Variants in ALDH4A1 observed in about 807,000 individuals in gnomAD.
ALDH4A1 encodes delta-1-pyrroline-5-carboxylate dehydrogenase, mitochondrial.
Under a neutral mutation model 70.5 loss-of-function variants are expected in ALDH4A1, and 46 were observed. That is an observed-to-expected ratio of 0.65 (90% CI 0.51 to 0.83). The LOEUF (loss-of-function observed/expected upper bound fraction) is 0.83. ALDH4A1 is among the 40% of genes least tolerant of loss of function. The pLI is 0.00. For synonymous variants in ALDH4A1, 323 were observed against 324.3 expected (o/e 1.00, Z 0.04); for missense variants, 749 against 766.5 (o/e 0.98, Z 0.27).
chr1:18,900,289 C>T lies in ALDH4A1; in HGVS notation c.62+2173G>A, dbSNP rs116595513. 1.9e-3 allele frequency among the ~76,000 whole-genome samples: 286 copies of T among 152,312 alleles called. 2 individuals carry two copies. Among genetic ancestry groups the T allele is most frequent in the Non-Finnish European group, 2.8e-3 (190 of 68,016 alleles). On this transcript the variant is annotated intron_variant, in intron 1 of 14. Transcript: ENST00000375341. Reference sequence around the variant, plus strand: ...TTTTTCTCAGGACTAGAGTTTTACACGTAGGACACTGAGGGATGTCACTGA... The same window carrying T: ...TTTTTCTCAGGACTAGAGTTTTACATGTAGGACACTGAGGGATGTCACTGA...
intron 7 of ALDH4A1, chr1:18,882,770 GCCA>G: frequency 3.4e-6 from 2 of 590,214 alleles, no homozygotes; most frequent in South Asian, 2.8e-5. Context: ...CATCAACAGA[GCCA>G]CCAACACTCA....
chr1:18,899,039 A>T (rs186024231), intron 1 of ALDH4A1, among the ~76,000 whole-genome samples: 57 of 152,346 alleles, frequency 3.7e-4, no homozygotes, highest in African/African-American at 1.3e-3. Flanking sequence ...CATTTTGCAG[A>T]CGAGGATACT....
chr1:18,875,785 G>A (rs911042949), intron 12 of ALDH4A1, among the ~76,000 whole-genome samples: 1 of 152,186 alleles, frequency 6.6e-6, no homozygotes, highest in Admixed American at 6.5e-5. Context: ...TAAGGGTCCA[G>A]GTCCCAGAGG....
At chr1:18,901,601 T>C (rs978411830) in intron 1 of ALDH4A1, among the ~76,000 whole-genome samples, 8 of 152,162 alleles carry the variant, frequency 5.3e-5, no homozygotes, top group African/African-American at 1.7e-4. Context: ...GGCTCCACAA[T>C]GTCAGGTTTG....
At chr1:18,890,417 T>C (rs1935391101) in intron 1 of ALDH4A1, among the ~76,000 whole-genome samples, 1 of 152,212 alleles carries the variant, frequency 6.6e-6, no homozygotes, top group African/African-American at 2.4e-5. Flanking sequence ...TGGTGGCATG[T>C]GTGCCTGTAG....
In ALDH4A1 at chr1:18,878,064, C is replaced by T. The variant is rs543990344; in HGVS notation, c.941-452G>A. Among the ~76,000 whole-genome samples the T allele has an allele frequency of 7.2e-5, 11 of 152,110 alleles. No individual in the cohort carries two copies. In the South Asian group the frequency reaches 1.0e-3, roughly 14 times the overall value. ...CAGGGTTGGGCCCCTCCTCCCCACG[C>T]GTGCTGGAAACCGCTCCCCCATTTC... On this transcript the variant is annotated intron_variant, in intron 9 of 14. Transcript: ENST00000375341.
intron 1 of ALDH4A1, among the ~76,000 whole-genome samples, chr1:18,895,571 C>T (rs1299890922): frequency 1.3e-5 from 2 of 152,142 alleles, no homozygotes; most frequent in Non-Finnish European, 2.9e-5. Flanking sequence ...CTACAAAGGA[C>T]ATGCACCATT....
chr1:18,883,963 T>C (rs1390071424), intron 5 of ALDH4A1, among the ~76,000 whole-genome samples: 1 of 152,194 alleles, frequency 6.6e-6, no homozygotes, highest in Non-Finnish European at 1.5e-5. Flanking sequence ...AAACCGTCAA[T>C]TCTTAATAAC....
intron 1 of ALDH4A1, among the ~76,000 whole-genome samples, chr1:18,894,279 G>A (rs539327441): frequency 6.6e-6 from 1 of 152,340 alleles, no homozygotes; most frequent in African/African-American, 2.4e-5. Flanking sequence ...AGTGGCTCAC[G>A]CCTGTAATCC....
intron 10 of ALDH4A1, 21 bp downstream of exon 10, chr1:18,877,395 G>A (rs1347421633): frequency 1.7e-5 from 27 of 1,556,940 alleles, no homozygotes; most frequent in Middle Eastern, 1.8e-4. Flanking sequence ...GGGCCGCGGC[G>A]GGGGTGACGG....
chr1:18,872,726 C>A lies in ALDH4A1; in HGVS notation c.*119G>T. On this transcript the variant is annotated 3_prime_UTR_variant, in exon 15 of 15. Transcript: ENST00000375341. ...TACAGTGGTAAGAAGGGAGTCAAGC[C>A]CGGATTATAGAAAGGCAGCTGTGCA... 6 of 770,648 alleles carry A rather than the reference C, an allele frequency of 7.8e-6. No homozygotes were observed. Among genetic ancestry groups the A allele is most frequent in the Non-Finnish European group, 1.3e-5 (6 of 455,312 alleles). The allele number at this position is 770,648 out of a possible 1,614,324, so 47.7% of individuals were successfully genotyped here. A position where few individuals can be genotyped will look rare whatever the true frequency, so the allele number is the denominator to read the frequency against.
chr1:18,884,844 G>C (rs1935128094), intron 5 of ALDH4A1, among the ~76,000 whole-genome samples: 1 of 152,222 alleles, frequency 6.6e-6, no homozygotes, highest in Admixed American at 6.5e-5. Flanking sequence ...CAGGAGGTAA[G>C]AGTTCACTGA....
chr1:18,877,689 C>T, intron 9 of ALDH4A1, 77 bp from the exon 10 acceptor site: 4 of 1,523,960 alleles, frequency 2.6e-6, no homozygotes, highest in Non-Finnish European at 3.6e-6. Flanking sequence ...ACACCACCTA[C>T]GCCATCCATG....
intron 1 of ALDH4A1, 136 bp downstream of exon 1, chr1:18,902,325 CT>C (rs1935827028): frequency 3.1e-6 from 2 of 653,732 alleles, no homozygotes; most frequent in African/African-American, 1.9e-5. Context: ...AGGGGAGCCC[CT>C]GAGGAACCCG....
intron 11 of ALDH4A1, among the ~76,000 whole-genome samples, 194 bp from the exon 12 acceptor site, chr1:18,876,661 C>CTGTG (rs10524811): frequency 9.5e-5 from 14 of 146,730 alleles, no homozygotes; most frequent in African/African-American, 2.3e-4. Flanking sequence ...GACATGAACA[C>CTGTG]TGTGTGTGTG....
intron 5 of ALDH4A1, among the ~76,000 whole-genome samples, chr1:18,884,160 T>C (rs1271889152): frequency 1.3e-5 from 2 of 152,168 alleles, no homozygotes; most frequent in Non-Finnish European, 2.9e-5. Context: ...TTAGGCCAAA[T>C]ACAGAGAAAG....
chr1:18,892,323 G>A (rs1935465093), intron 1 of ALDH4A1, among the ~76,000 whole-genome samples: 1 of 152,166 alleles, frequency 6.6e-6, no homozygotes, highest in Non-Finnish European at 1.5e-5. Context: ...AGACCCTGGA[G>A]ATAAAGCAGT....
At chr1:18,893,590 C>T (rs536165510) in intron 1 of ALDH4A1, among the ~76,000 whole-genome samples, 1 of 152,132 alleles carries the variant, frequency 6.6e-6, no homozygotes, top group Non-Finnish European at 1.5e-5. Flanking sequence ...GCAACCTCCG[C>T]CTCCCGAATT....
At chr1:18,897,637 TCA>T (rs1935668959) in intron 1 of ALDH4A1, among the ~76,000 whole-genome samples, 1 of 152,228 alleles carries the variant, frequency 6.6e-6, no homozygotes, top group South Asian at 2.1e-4. Context: ...CGGATGAGGT[TCA>T]GAGTTACTCA....
Sources: gnomAD v4.1 joint callset for allele counts (sites outside exome capture counted in the v4.1 genomes callset) on GRCh38, gnomAD v4.1.1 for gene constraint, MANE v1.5 for transcripts, NCBI Gene and HGNC (gene_info 2026-07-23, HGNC 2026-07-21) for gene names.